ADD1: variants seen among roughly 807,000 people sequenced by gnomAD.
ADD1 encodes alpha-adducin.
Under a neutral mutation model 80.5 loss-of-function variants are expected in ADD1, and 24 were observed. The observed-to-expected ratio is 0.30, with a 90% CI of 0.22 to 0.42. The LOEUF (loss-of-function observed/expected upper bound fraction) is 0.42, where lower values mean the gene tolerates loss of function less well. ADD1 is among the 10% of genes least tolerant of loss of function. The pLI is 1.00. For synonymous variants in ADD1, 373 were observed against 393.8 expected, an observed-to-expected ratio of 0.95 and a Z score of 0.63; for missense variants, 948 against 1,019.0, an observed-to-expected ratio of 0.93 and a Z score of 0.95.
chr4:2,913,104 T>C (rs1045808818), intron 13 of ADD1, among the ~76,000 whole-genome samples: 1 of 152,212 alleles, frequency 6.6e-6, no homozygotes, highest in Non-Finnish European at 1.5e-5. Flanking sequence ...CGCCTCAGCT[T>C]CCCAAAGTGC....
At chr4:2,877,967 C>CA (rs577637797) in intron 2 of ADD1, among the ~76,000 whole-genome samples, 50 of 149,546 alleles carry the variant, frequency 3.3e-4, no homozygotes, top group East Asian at 1.8e-3. Context: ...ACCCTGTCTC[C>CA]AAAAAAAAAG....
At chr4:2,861,137 C>G (rs115932464) in intron 1 of ADD1, among the ~76,000 whole-genome samples, 319 of 152,290 alleles carry the variant, frequency 2.1e-3, no homozygotes, top group Non-Finnish European at 3.5e-3. Flanking sequence ...TACAAAGACT[C>G]TGAGGCAGGA....
intron 2 of ADD1, among the ~76,000 whole-genome samples, chr4:2,879,121 G>C (rs1461965810): frequency 1.3e-5 from 2 of 152,166 alleles, no homozygotes; most frequent in Non-Finnish European, 2.9e-5. Context: ...CAAACTGAGG[G>C]TATGGATGTT....
At chr4:2,862,969 A>C (rs566665119) in intron 1 of ADD1, among the ~76,000 whole-genome samples, 2 of 152,136 alleles carry the variant, frequency 1.3e-5, no homozygotes, top group African/African-American at 4.8e-5. Flanking sequence ...GAAAAGTTGC[A>C]TGGGATCTGC....
chr4:2,892,639 G>A (rs1020674648), intron 4 of ADD1, among the ~76,000 whole-genome samples: 1 of 152,016 alleles, frequency 6.6e-6, no homozygotes, highest in African/African-American at 2.4e-5. Flanking sequence ...AGACCAGCCT[G>A]GGCAACTTAG....
chr4:2,883,134 T>G (rs1302796735), intron 3 of ADD1, among the ~76,000 whole-genome samples: 5 of 152,180 alleles, frequency 3.3e-5, no homozygotes, highest in African/African-American at 1.2e-4. Flanking sequence ...AGTGCTGGGA[T>G]TACGAACATG....
In ADD1 at chr4:2,905,923, C is replaced by T. The variant is rs1215109666; in HGVS notation, c.1506+815C>T. 2.0e-5 allele frequency among the ~76,000 whole-genome samples: 3 copies of T among 152,164 alleles called. No homozygotes were observed. The East Asian group carries it at 5.8e-4, about 29-fold the overall frequency. ...CCTACCTCTAACAGTCCACCCAGCT[C>T]TGCTTTAAACTGTATGTAGAAGAGG... On this transcript the variant is annotated intron_variant, in intron 10 of 15. Transcript: ENST00000683351.
chr4:2,911,449 T>TATA lies in ADD1; in HGVS notation c.1791+2018_1791+2019insATA, dbSNP rs1553848841. ...TGAAATACATATATATATATATATA[T>TATA]TTTTTTTTTTTTTTTGAGACAGGGT... On this transcript the variant is annotated intron_variant, in intron 13 of 15. Transcript: ENST00000683351. Among the ~76,000 whole-genome samples the TATA allele has an allele frequency of 6.1e-3, 566 of 92,542 alleles. 1 individual carries two copies. The highest frequency in any genetic ancestry group is 0.017 in the African/African-American group (458 of 26,308). 60.7% of individuals were successfully genotyped at this position (92,542 alleles called of 152,430 possible).
chr4:2,928,081 G>A (rs1712196989), intron 15 of ADD1, 90 bp from the exon 16 acceptor site: 1 of 1,121,262 alleles, frequency 8.9e-7, no homozygotes, highest in African/African-American at 1.6e-5. Flanking sequence ...AAATAAAATG[G>A]CAGTTTCGTG....
intron 4 of ADD1, among the ~76,000 whole-genome samples, chr4:2,886,465 G>C (rs1435157404): frequency 6.6e-6 from 1 of 152,150 alleles, no homozygotes; most frequent in East Asian, 1.9e-4. Flanking sequence ...TCATGCTCCT[G>C]TGTGCGGCAC....
chr4:2,921,661 C>T (rs1220528067), intron 14 of ADD1, among the ~76,000 whole-genome samples: 5 of 152,044 alleles, frequency 3.3e-5, no homozygotes, highest in Admixed American at 6.6e-5. Context: ...TTCTGTATTT[C>T]GTGAATTTGA....
intron 4 of ADD1, among the ~76,000 whole-genome samples, chr4:2,888,029 A>G (rs1733670059): frequency 6.6e-6 from 1 of 152,154 alleles, no homozygotes; most frequent in Admixed American, 6.5e-5. Flanking sequence ...AATAAGTAAA[A>G]GAAGGAAACA....
intron 2 of ADD1, among the ~76,000 whole-genome samples, chr4:2,877,994 T>A (rs1013224312): frequency 2.0e-5 from 3 of 151,968 alleles, no homozygotes; most frequent in African/African-American, 4.8e-5. Flanking sequence ...TGTTCCCAGC[T>A]GAGGAACCAG....
At chr4:2,863,238 T>TTG in intron 1 of ADD1, among the ~76,000 whole-genome samples, 1 of 149,672 alleles carries the variant, frequency 6.7e-6, no homozygotes, top group Non-Finnish European at 1.5e-5. Flanking sequence ...TTTTTTTTTT[T>TTG]TGGTAGAGCT....
At chr4:2,908,994 G>A (rs1317743507) in intron 12 of ADD1, 2 of 445,548 alleles carry the variant, frequency 4.5e-6, no homozygotes, top group Non-Finnish European at 4.1e-6. Flanking sequence ...TTGGGTTGCA[G>A]AGGGGTGGGT....
Position 2,917,437 on chromosome 4 carries a change from G to A in ADD1, c.1948+2397G>A, listed in dbSNP as rs1322621905. ...TGTAGATCGTGGATATGAGCCCTTTGTCAGATGGATAGATTGCAAAAATTT... is the reference window on the plus strand; with the variant it reads ...TGTAGATCGTGGATATGAGCCCTTTATCAGATGGATAGATTGCAAAAATTT... On this transcript the variant is annotated intron_variant, in intron 14 of 15. Transcript: ENST00000683351. Among the ~76,000 whole-genome samples, 5 of 152,210 alleles carry A rather than the reference G, an allele frequency of 3.3e-5. No homozygotes were observed. The East Asian group carries it at 7.7e-4, about 24-fold the overall frequency.
In ADD1 at chr4:2,926,257, A is replaced by G. The variant is rs551677320; in HGVS notation, c.2047+145A>G. On this transcript the variant is annotated intron_variant, in intron 15 of 15. Transcript: ENST00000683351. The surrounding 1 kb of genome is among the most constrained non-coding windows in gnomAD (Gnocchi z 5.0). ...CAGGACGTGACACCTTTCTCCTCCT[A>G]TATTGCTTCTGTCCTGGGTAACTCC... 11 of 780,468 alleles carry G rather than the reference A, an allele frequency of 1.4e-5. No individual in the cohort carries two copies. The highest frequency in any genetic ancestry group is 8.0e-5 in the Admixed American group (4 of 50,008). The allele number at this position is 780,468 out of a possible 1,614,324, so 48.3% of individuals were successfully genotyped here.
Position 2,928,747 on chromosome 4 carries a change from G to A in ADD1, c.*224G>A. 1.9e-6 allele frequency: 1 copy of A among 537,554 alleles called. No individual in the cohort carries two copies. The highest frequency in any genetic ancestry group is 2.6e-5 in the South Asian group (1 of 38,628). 33.3% of individuals were successfully genotyped at this position (537,554 alleles called of 1,614,324 possible). A position where few individuals can be genotyped will look rare whatever the true frequency, so the allele number is the denominator to read the frequency against. On this transcript the variant is annotated 3_prime_UTR_variant, in exon 16 of 16. Coordinates refer to ENST00000683351, the MANE Select transcript of ADD1 (RefSeq NM_001354761.2). ...GTCCTCTCAGAGCCTCAGCTTCTGG[G>A]GGAGACATGCTCTCCCCACAGGGGG...
chr4:2,857,237 T>C (rs948007475), intron 1 of ADD1, among the ~76,000 whole-genome samples: 1 of 152,152 alleles, frequency 6.6e-6, no homozygotes, highest in Non-Finnish European at 1.5e-5. Context: ...AAGCTGTGTT[T>C]TAATTCGCAA....
Sources: allele counts gnomAD v4.1 joint callset (sites outside exome capture counted in the v4.1 genomes callset), GRCh38; gene constraint gnomAD v4.1.1; non-coding constraint Gnocchi (gnomAD v3.1); transcripts MANE v1.5; gene names NCBI Gene and HGNC (gene_info 2026-07-23, HGNC 2026-07-21).